NAA25: variants seen among roughly 807,000 people sequenced by gnomAD.
NAA25 encodes the protein N-alpha-acetyltransferase 25, NatB auxiliary subunit, also known as N-terminal acetyltransferase B complex subunit NAA25.
In NAA25, 30 loss-of-function variants were observed where a neutral mutation model predicts 132.5. The observed-to-expected ratio is 0.23, with a 90% CI of 0.17 to 0.31. The LOEUF is 0.31. NAA25 is among the 10% of genes least tolerant of loss of function. NAA25 has a pLI of 1.00. For missense variants in NAA25, 771 were observed against 1,150.4 expected (o/e 0.67, Z 4.77); for synonymous variants, 359 against 401.9 (o/e 0.89, Z 1.28).
At chr12:112,074,996 G>T (rs1387058511) in intron 8 of NAA25, among the ~76,000 whole-genome samples, 1 of 152,014 alleles carries the variant, frequency 6.6e-6, no homozygotes, top group East Asian at 1.9e-4. Context: ...AAAATGACCA[G>T]GTCTAGAAAA....
chr12:112,101,109 C>G (rs1410006321), intron 1 of NAA25, among the ~76,000 whole-genome samples: 1 of 152,168 alleles, frequency 6.6e-6, no homozygotes, highest in African/African-American at 2.4e-5. Context: ...CATCTCTTTG[C>G]CTAACCCTGG....
chr12:112,055,886 T>A (rs965901930), intron 13 of NAA25, among the ~76,000 whole-genome samples: 4 of 152,166 alleles, frequency 2.6e-5, no homozygotes, highest in Non-Finnish European at 4.4e-5. Flanking sequence ...GGTAATATTC[T>A]ATATGCTGTT....
chr12:112,053,481 T>A lies in NAA25; in HGVS notation c.1728+77A>T, dbSNP rs957337926. ...TGGTGCACCTTAACATGTGTACTTG[T>A]GACATGTGGTGACGTGCTCCTCAAT... On this transcript the variant is annotated intron_variant, in intron 15 of 23. Coordinates refer to ENST00000261745, the MANE Select transcript of NAA25 (RefSeq NM_024953.4). 5 of 1,046,758 alleles carry A rather than the reference T, an allele frequency of 4.8e-6. No homozygotes were observed. The South Asian group carries it at 6.8e-5, about 14-fold the overall frequency. The allele number at this position is 1,046,758 out of a possible 1,614,324, so 64.8% of individuals were successfully genotyped here.
rs1016512292 is a variant in NAA25, at chr12:112,093,038, C to A, written c.144+13G>T. The A allele has an allele frequency of 6.3e-6, 10 of 1,585,048 alleles. No homozygotes were observed. The highest frequency in any genetic ancestry group is 6.0e-6 in the Non-Finnish European group (7 of 1,159,734). On this transcript the variant is annotated intron_variant, in intron 2 of 23. Transcript: ENST00000261745. ...CCGCCACAGGTAAGTAACTGAAGGG[C>A]AAATGAAGTTACCTTAGCACAATGA...
At chr12:112,092,289 G>A (rs957149473) in intron 2 of NAA25, among the ~76,000 whole-genome samples, 1 of 151,144 alleles carries the variant, frequency 6.6e-6, no homozygotes, top group Non-Finnish European at 1.5e-5. Flanking sequence ...TGGCATGTAA[G>A]TGACTATGGA....
intron 1 of NAA25, among the ~76,000 whole-genome samples, chr12:112,098,053 G>A (rs1179279312): frequency 4.0e-5 from 6 of 150,028 alleles, no homozygotes; most frequent in Admixed American, 2.0e-4. Context: ...CCCGGGAGGC[G>A]GAGGTTGCAA....
intron 10 of NAA25, among the ~76,000 whole-genome samples, chr12:112,070,278 TA>T (rs2078785950): frequency 6.6e-6 from 1 of 152,228 alleles, no homozygotes; most frequent in South Asian, 2.1e-4. Flanking sequence ...AATAAGATCA[TA>T]AAGAATCATT....
chr12:112,088,317 G>GTTTTTTT (rs1025838850), intron 3 of NAA25, among the ~76,000 whole-genome samples: 1 of 75,596 alleles, frequency 1.3e-5, no homozygotes, highest in African/African-American at 5.7e-5. Context: ...GTATATTGTA[G>GTTTTTTT]TTTTTTTTTT....
chr12:112,045,097 C>G (rs541885988), intron 17 of NAA25, among the ~76,000 whole-genome samples: 1 of 151,866 alleles, frequency 6.6e-6, no homozygotes, highest in Non-Finnish European at 1.5e-5. Context: ...AAATGTAAAA[C>G]GTAGAAAAGG....
At chr12:112,073,677 C>A (rs2078849604) in intron 9 of NAA25, among the ~76,000 whole-genome samples, 1 of 152,262 alleles carries the variant, frequency 6.6e-6, no homozygotes, top group East Asian at 1.9e-4. Flanking sequence ...TTGTGATCCG[C>A]CCGCCTCCAC....
intron 1 of NAA25, among the ~76,000 whole-genome samples, chr12:112,095,431 C>T (rs1411439124): frequency 4.1e-5 from 6 of 146,834 alleles, no homozygotes; most frequent in African/African-American, 7.5e-5. Flanking sequence ...AGTGAGACTC[C>T]GTCTAAAAAA....
intron 6 of NAA25, 61 bp from the exon 7 acceptor site, chr12:112,078,327 A>T: frequency 8.0e-7 from 1 of 1,247,512 alleles, no homozygotes; most frequent in Non-Finnish European, 1.1e-6. Flanking sequence ...AAAGACAGTC[A>T]TTTATAGGTT....
intron 12 of NAA25, 127 bp from the exon 13 acceptor site, chr12:112,060,486 A>C: frequency 1.6e-6 from 1 of 624,886 alleles, no homozygotes; most frequent in Non-Finnish European, 2.8e-6. Flanking sequence ...TAAGAATAAG[A>C]TAAGTACCAG....
chr12:112,029,704 C>G, intron 23 of NAA25, 51 bp from the exon 24 acceptor site: 1 of 1,586,588 alleles, frequency 6.3e-7, no homozygotes, highest in South Asian at 1.1e-5. Context: ...ACCATCCCCC[C>G]AGATTCTAGT....
intron 17 of NAA25, among the ~76,000 whole-genome samples, chr12:112,045,935 G>T (rs575680959): frequency 6.6e-6 from 1 of 152,078 alleles, no homozygotes; most frequent in African/African-American, 2.4e-5. Context: ...AAACAAATTG[G>T]TTACAGTAAT....
chr12:112,087,432 C>T (rs545944566), intron 4 of NAA25, among the ~76,000 whole-genome samples: 2 of 152,264 alleles, frequency 1.3e-5, no homozygotes, highest in Admixed American at 6.5e-5. Context: ...AGCTGAATTA[C>T]CAAAACCAAA....
chr12:112,048,464 C>T (rs1301416383), intron 15 of NAA25, 21 bp from the exon 16 acceptor site: 3 of 1,610,210 alleles, frequency 1.9e-6, no homozygotes, highest in Admixed American at 3.3e-5. Context: ...AAGACATCAC[C>T]TTGGTATAAA....
Position 112,099,076 on chromosome 12 carries a change from T to C in NAA25, c.59-5940A>G, listed in dbSNP as rs192076275. Reference sequence around the variant, plus strand: ...ATCTCGATTCACTGCAACCTCCACCTCCTAGATTAAAGCAATTCTCCTGCC... The same window carrying C: ...ATCTCGATTCACTGCAACCTCCACCCCCTAGATTAAAGCAATTCTCCTGCC... On this transcript the variant is annotated intron_variant, in intron 1 of 23. Coordinates refer to ENST00000261745, the MANE Select transcript of NAA25 (RefSeq NM_024953.4). 1.9e-3 allele frequency among the ~76,000 whole-genome samples: 284 copies of C among 151,942 alleles called. 1 individual carries two copies. The highest frequency in any genetic ancestry group is 6.5e-3 in the African/African-American group (270 of 41,430).
At chr12:112,056,090 T>C (rs2078540175) in intron 13 of NAA25, among the ~76,000 whole-genome samples, 1 of 152,144 alleles carries the variant, frequency 6.6e-6, no homozygotes, top group Admixed American at 6.5e-5. Flanking sequence ...ATCCCAGCAC[T>C]CTGGGAGGCC....
Sources: allele counts gnomAD v4.1 joint callset (sites outside exome capture counted in the v4.1 genomes callset), GRCh38; gene constraint gnomAD v4.1.1; transcripts MANE v1.5; gene names NCBI Gene and HGNC (gene_info 2026-07-23, HGNC 2026-07-21).